Variants in DLEC1 observed in about 807,000 individuals in gnomAD.
The protein encoded by DLEC1 is DLEC1 cilia and flagella associated protein.
Under a neutral mutation model 198.1 loss-of-function variants are expected in DLEC1, and 146 were observed. The ratio of observed to expected loss-of-function variants is 0.74; its 90% confidence interval spans 0.64 to 0.85. The LOEUF is 0.85. DLEC1 is among the 40% of genes least tolerant of loss of function. The probability of loss-of-function intolerance (pLI) is 0.00; values close to 1 mark genes in which losing one functional copy is unlikely to be tolerated. For missense variants in DLEC1, 2,233 were observed against 2,220.0 expected, an observed-to-expected ratio of 1.01 and a Z score of -0.12; for synonymous variants, 897 against 866.8, an observed-to-expected ratio of 1.03 and a Z score of -0.61.
At position 38,117,059 on chromosome 3, in the gene DLEC1, T is replaced by C. The variant is rs771760880; in HGVS notation, c.4264T>C (p.Cys1422Arg). The change falls in exon 30 of 37, where the codon TGT becomes CGT. Residue 1422 changes from cysteine (C) to arginine (R), a missense_variant. Physicochemically the swap from Cys to Arg is radical, Grantham distance 180. Coordinates refer to ENST00000308059, the MANE Select transcript of DLEC1 (RefSeq NM_007335.4). ...LSPEILHKVE[C>R]TGYALGFMSL... ...CCCTGAGATCCTGCACAAGGTGGAG[T>C]GTACTGGCTACGCCCTGGGTTTCAT... 6 of 1,613,714 alleles carry C rather than the reference T, an allele frequency of 3.7e-6. No individual in the cohort carries two copies. In the African/African-American group the frequency reaches 5.3e-5, roughly 14 times the overall value.
rs566273806 is a variant in DLEC1 at position 38,121,274 on chromosome 3, C to G, written c.4867-354C>G. 3.1e-3 allele frequency among the ~76,000 whole-genome samples: 475 copies of G among 152,304 alleles called. 2 individuals are homozygous for G. The highest frequency in any genetic ancestry group is 5.3e-3 in the Non-Finnish European group (359 of 68,014). On this transcript the variant is annotated intron_variant, in intron 34 of 36. Coordinates refer to ENST00000308059, the MANE Select transcript of DLEC1 (RefSeq NM_007335.4). Reference sequence around the variant, plus strand: ...AGGTGGGGCCTGCGGCCAAGGAACACAGACAAATGGTCCACGGCTGAGAGG... The same window carrying G: ...AGGTGGGGCCTGCGGCCAAGGAACAGAGACAAATGGTCCACGGCTGAGAGG...
At chr3:38,054,010 G>C (rs1027403596) in intron 2 of DLEC1, among the ~76,000 whole-genome samples, 2 of 152,030 alleles carry the variant, frequency 1.3e-5, no homozygotes, top group Non-Finnish European at 2.9e-5. Flanking sequence ...CTCCTTAAGA[G>C]TCATCACCAC....
intron 2 of DLEC1, among the ~76,000 whole-genome samples, chr3:38,053,948 T>G (rs1425222156): frequency 7.9e-5 from 12 of 152,066 alleles, no homozygotes; most frequent in Non-Finnish European, 1.2e-4. Context: ...GTTAAATGGA[T>G]TAAGGGCGGT....
At chr3:38,097,702 C>A in intron 17 of DLEC1, 42 bp from the exon 18 acceptor site, 1 of 1,613,466 alleles carries the variant, frequency 6.2e-7, no homozygotes, top group Admixed American at 1.7e-5. Flanking sequence ...GACACTGAGC[C>A]ATCCCCAGGT....
chr3:38,074,525 T>C (rs1672102242), intron 6 of DLEC1, among the ~76,000 whole-genome samples: 1 of 152,228 alleles, frequency 6.6e-6, no homozygotes. Flanking sequence ...TTCTTTAAGC[T>C]TGTCAGAATT....
chr3:38,110,392 A>G, intron 23 of DLEC1, 111 bp downstream of exon 23: 1 of 1,318,588 alleles, frequency 7.6e-7, no homozygotes. Context: ...GAGAGATGGG[A>G]GTGTGTGTTT....
At chr3:38,072,935 G>T (rs1181196517) in intron 6 of DLEC1, among the ~76,000 whole-genome samples, 1 of 152,172 alleles carries the variant, frequency 6.6e-6, no homozygotes, top group East Asian at 1.9e-4. Flanking sequence ...AAAGAAGAAG[G>T]TCATCAATAT....
rs1258145091 is a variant in DLEC1 at position 38,096,611 on chromosome 3, T to A, written c.2214T>A (p.Asp738Glu). 1 of 1,612,374 alleles carries A rather than the reference T, an allele frequency of 6.2e-7. No homozygotes were observed. Among genetic ancestry groups the A allele is most frequent in the Admixed American group, 1.7e-5 (1 of 59,996 alleles). Residue 738 changes from aspartate (D) to glutamate (E), a missense_variant, in exon 15 of 37, where the codon GAT becomes GAA. Transcript: ENST00000308059. Reference protein sequence around the residue: ...ESLGHSSYSVDDVIVLEIEVK... With the variant: ...ESLGHSSYSVEDVIVLEIEVK... ...TGGGGCACTCCTCCTACTCTGTGGA[T>A]GATGTGATTGTCCTGGAAATCGAGG... is the stretch of plus-strand genomic sequence containing the variant.
At chr3:38,063,576 G>T (rs970028896) in intron 5 of DLEC1, among the ~76,000 whole-genome samples, 1 of 152,158 alleles carries the variant, frequency 6.6e-6, no homozygotes, top group Non-Finnish European at 1.5e-5. Context: ...TTACTTATTG[G>T]TGTTTAAACA....
At position 38,116,989 on chromosome 3, in the gene DLEC1, G is replaced by A; in HGVS notation, c.4194G>A (p.Gly1398=). The change falls in exon 30 of 37, where the codon GGG becomes GGA. Residue 1398 remains glycine, a synonymous_variant. Transcript: ENST00000308059. Reference sequence around the variant, plus strand: ...GTCTATGCCAGGTGGTCCCTGCTGGGGGCAGCAGTACCATCTACATCTCCT... The same window carrying A: ...GTCTATGCCAGGTGGTCCCTGCTGGAGGCAGCAGTACCATCTACATCTCCT... ...ISPKQVVVPA[G]GSSTIYISFT... is the part of the protein sequence containing the mutation. The A allele has an allele frequency of 1.2e-6, 2 of 1,613,852 alleles. No individual in the cohort carries two copies. Among genetic ancestry groups the A allele is most frequent in the Non-Finnish European group, 1.7e-6 (2 of 1,179,948 alleles).
At chr3:38,041,282 A>G (rs148526477) in intron 1 of DLEC1, among the ~76,000 whole-genome samples, 4,473 of 151,910 alleles carry the variant, frequency 0.029, 109 homozygotes, top group Non-Finnish European at 0.041. Flanking sequence ...GATTACAGGC[A>G]TGAGCCACCA....
chr3:38,090,675 G>T (rs1698696876), intron 10 of DLEC1, among the ~76,000 whole-genome samples: 2 of 152,210 alleles, frequency 1.3e-5, no homozygotes, highest in Admixed American at 1.3e-4. Flanking sequence ...CCTCATAATT[G>T]TAAGGCATGT....
At chr3:38,057,556 G>T (rs898154776) in intron 2 of DLEC1, among the ~76,000 whole-genome samples, 5 of 152,138 alleles carry the variant, frequency 3.3e-5, no homozygotes, top group African/African-American at 1.2e-4. Flanking sequence ...AATCCGCAAA[G>T]AAAGAAAATT....
At chr3:38,090,723 A>G (rs1698703392) in intron 10 of DLEC1, among the ~76,000 whole-genome samples, 1 of 152,258 alleles carries the variant, frequency 6.6e-6, no homozygotes, top group Admixed American at 6.5e-5. Flanking sequence ...ACCAATTTAT[A>G]CTTTCAACAG....
rs1270783803 is a variant in DLEC1, at chr3:38,112,807, G to T, written c.3666+446G>T. Among the ~76,000 whole-genome samples, 1 of 152,162 alleles carries T rather than the reference G, an allele frequency of 6.6e-6. No individual in the cohort carries two copies. Among genetic ancestry groups the T allele is most frequent in the African/African-American group, 2.4e-5 (1 of 41,434 alleles). ...ACTCAGCATAAATGGAGTATCTACT[G>T]TGTGTGGGTTCCTGTGTGGGCCGCT... On this transcript the variant is annotated intron_variant, in intron 25 of 36. Coordinates refer to ENST00000308059, the MANE Select transcript of DLEC1 (RefSeq NM_007335.4). The surrounding 1 kb of genome is among the most constrained non-coding windows in gnomAD (Gnocchi z 4.8).
At chr3:38,060,565 G>A (rs944474845) in intron 3 of DLEC1, among the ~76,000 whole-genome samples, 1 of 152,182 alleles carries the variant, frequency 6.6e-6, no homozygotes, top group Non-Finnish European at 1.5e-5. Context: ...AGGTGTTTGG[G>A]GTGGGAGGAT....
At chr3:38,116,278 T>C (rs897214050) in intron 27 of DLEC1, among the ~76,000 whole-genome samples, 175 bp from the exon 28 acceptor site, 2 of 152,268 alleles carry the variant, frequency 1.3e-5, no homozygotes, top group East Asian at 1.9e-4. Context: ...TAAAGCCTTT[T>C]TAAAATTTTA....
intron 6 of DLEC1, among the ~76,000 whole-genome samples, chr3:38,070,886 G>A (rs539579728): frequency 6.6e-6 from 1 of 152,184 alleles, no homozygotes; most frequent in African/African-American, 2.4e-5. Flanking sequence ...GCATATAGGT[G>A]CAAGTCACAG....
chr3:38,118,122 C>T (rs1472329223), intron 33 of DLEC1, 98 bp downstream of exon 33: 22 of 1,357,394 alleles, frequency 1.6e-5, no homozygotes, highest in South Asian at 5.5e-5. Context: ...TGTACCCAGA[C>T]GCAAACTGCA....
Sources: allele counts gnomAD v4.1 joint callset (sites outside exome capture counted in the v4.1 genomes callset), GRCh38; gene constraint gnomAD v4.1.1; non-coding constraint Gnocchi (gnomAD v3.1); transcripts MANE v1.5; gene names NCBI Gene and HGNC (gene_info 2026-07-23, HGNC 2026-07-21).